The following DNAH14 variants were observed in gnomAD, a reference collection of about 807,000 sequenced individuals.
The protein encoded by DNAH14 is axonemal beta dynein heavy chain 14.
A neutral mutation model predicts 520.9 loss-of-function variants in DNAH14; 478 were observed. The observed-to-expected ratio is 0.92, with a 90% CI of 0.85 to 0.99. The LOEUF (loss-of-function observed/expected upper bound fraction) is 0.99, where lower values mean the gene tolerates loss of function less well. DNAH14 is among the 50% of genes least tolerant of loss of function. DNAH14 has a pLI of 0.00. For missense variants in DNAH14, 4,831 were observed against 5,234.5 expected (o/e 0.92, Z 2.38); for synonymous variants, 1,581 against 1,757.2 (o/e 0.90, Z 2.51).
intron 15 of DNAH14, among the ~76,000 whole-genome samples, chr1:225,046,155 A>G (rs2067941095): frequency 6.6e-6 from 1 of 151,548 alleles, no homozygotes; most frequent in East Asian, 1.9e-4. Context: ...ATATGTGTGT[A>G]TATATATTTA....
intron 60 of DNAH14, among the ~76,000 whole-genome samples, chr1:225,315,946 G>A (rs1375259801): frequency 1.3e-5 from 2 of 152,128 alleles, no homozygotes; most frequent in Admixed American, 6.6e-5. Context: ...GCAGAGCTGC[G>A]GCCACAGCTG....
chr1:225,387,743 C>T (rs1301739739), intron 81 of DNAH14, among the ~76,000 whole-genome samples: 3 of 152,018 alleles, frequency 2.0e-5, no homozygotes, highest in Non-Finnish European at 4.4e-5. Flanking sequence ...AATAGAAGGT[C>T]GCTTGTGATT....
intron 41 of DNAH14, 88 bp downstream of exon 41, chr1:225,207,308 T>C (rs2087709167): frequency 6.7e-6 from 9 of 1,349,422 alleles, no homozygotes; most frequent in Admixed American, 3.5e-5. Flanking sequence ...TAGAAAATTT[T>C]TCAAAGAGCA....
intron 33 of DNAH14, 58 bp downstream of exon 33, chr1:225,152,941 TA>T: frequency 3.3e-6 from 5 of 1,507,632 alleles, no homozygotes; most frequent in Non-Finnish European, 4.5e-6. Flanking sequence ...TAACCTTAAG[TA>T]ATACTTTTCT....
At chr1:225,265,108 A>G (rs1232067033) in intron 47 of DNAH14, 74 bp from the exon 48 acceptor site, 7 of 1,010,184 alleles carry the variant, frequency 6.9e-6, no homozygotes, top group Non-Finnish European at 9.6e-6. Flanking sequence ...AAATTTCATG[A>G]CACATTAAAA....
intron 36 of DNAH14, among the ~76,000 whole-genome samples, chr1:225,184,609 G>A (rs1006256484): frequency 1.3e-5 from 2 of 152,100 alleles, no homozygotes; most frequent in Admixed American, 6.6e-5. Flanking sequence ...AACAGAGCAA[G>A]ACTCTGTCTC....
chr1:225,102,900 C>T (rs960955073), intron 23 of DNAH14, among the ~76,000 whole-genome samples: 3 of 152,106 alleles, frequency 2.0e-5, no homozygotes, highest in Non-Finnish European at 2.9e-5. Flanking sequence ...TTAATTAGAT[C>T]CCATTTGTCA....
Position 225,272,963 on chromosome 1 carries a change from AGG to A in DNAH14, c.7849_7850del (p.Gly2617IlefsTer5). On this transcript the variant is annotated frameshift_variant, in exon 52 of 86. Transcript: ENST00000682510. LOFTEE classifies it high-confidence loss of function. ...NLRDMFKLLL[G>X]LLQADRTVVN... Reference sequence around the variant, plus strand: ...TTTTAAATCCCTAACAGCTTCTCCTAGGATTGCTGCAAGCTGACAGGACTGTT... The same window carrying A: ...TTTTAAATCCCTAACAGCTTCTCCTAATTGCTGCAAGCTGACAGGACTGTT... 2 of 1,533,348 alleles carry A rather than the reference AGG, an allele frequency of 1.3e-6. No individual in the cohort carries two copies. The highest frequency in any genetic ancestry group is 1.8e-6 in the Non-Finnish European group (2 of 1,142,140). The allele number at this position is 1,533,348 out of a possible 1,614,324, so 95.0% of individuals were successfully genotyped here.
At chr1:225,174,666 C>T (rs2083117930) in intron 36 of DNAH14, among the ~76,000 whole-genome samples, 2 of 151,810 alleles carry the variant, frequency 1.3e-5, no homozygotes, top group African/African-American at 4.8e-5. Flanking sequence ...TCTTTTATTC[C>T]TTTCTGGTGC....
intron 55 of DNAH14, among the ~76,000 whole-genome samples, chr1:225,294,367 A>G (rs759752346): frequency 3.3e-5 from 5 of 152,182 alleles, no homozygotes; most frequent in Non-Finnish European, 5.9e-5. Flanking sequence ...TTTTGTATCT[A>G]GATTCATCAG....
At chr1:224,943,116 T>C (rs1158234841) in intron 1 of DNAH14, among the ~76,000 whole-genome samples, 2 of 152,258 alleles carry the variant, frequency 1.3e-5, no homozygotes, top group Admixed American at 1.3e-4. Flanking sequence ...AGAATTCGGC[T>C]GTGAATTCAT....
intron 37 of DNAH14, among the ~76,000 whole-genome samples, chr1:225,188,930 G>C (rs777765196): frequency 6.6e-6 from 1 of 151,492 alleles, no homozygotes; most frequent in South Asian, 2.1e-4. Context: ...TTTATTCTTT[G>C]GAATCCTTGT....
At chr1:225,154,521 C>G (rs994112935) in intron 34 of DNAH14, among the ~76,000 whole-genome samples, 1 of 151,926 alleles carries the variant, frequency 6.6e-6, no homozygotes, top group South Asian at 2.1e-4. Flanking sequence ...AGTAGAAAAG[C>G]AAACCATTGG....
chr1:224,982,095 A>G (rs867585082), intron 8 of DNAH14, among the ~76,000 whole-genome samples: 5 of 152,296 alleles, frequency 3.3e-5, no homozygotes, highest in East Asian at 3.9e-4. Flanking sequence ...GGGGAGGTCA[A>G]CTAGGGATAT....
chr1:225,127,583 A>G (rs1423247203), intron 27 of DNAH14, among the ~76,000 whole-genome samples: 1 of 151,464 alleles, frequency 6.6e-6, no homozygotes, highest in Non-Finnish European at 1.5e-5. Context: ...CCATCCTTTT[A>G]TTTTGAGCCT....
At chr1:225,185,451 T>G in intron 37 of DNAH14, 26 bp downstream of exon 37, 1 of 1,506,882 alleles carries the variant, frequency 6.6e-7, no homozygotes, top group Non-Finnish European at 8.8e-7. Context: ...AATAAAATGT[T>G]TCTCTATTTG....
chr1:225,297,195 C>G (rs2094028715), intron 55 of DNAH14, among the ~76,000 whole-genome samples: 1 of 151,998 alleles, frequency 6.6e-6, no homozygotes, highest in African/African-American at 2.4e-5. Context: ...AAATCTGTAG[C>G]TCTGAGATGT....
Position 225,398,587 on chromosome 1 carries a change from G to A in DNAH14, c.13559G>A (p.Arg4520His), listed in dbSNP as rs1278810806. The change falls in exon 85 of 86, where the codon CGT becomes CAT. Residue 4520 changes from arginine to histidine, a missense_variant. Arg to His is a conservative substitution (Grantham distance 29). Coordinates refer to ENST00000682510, the MANE Select transcript of DNAH14 (RefSeq NM_001367479.1). ...GLFIEGARWN[R>H]EQKILEDSLP... is the part of the protein sequence containing the mutation. ...TTCATCGAGGGGGCAAGATGGAATC[G>A]TGAACAGAAAATACTGGAAGACTCG... The A allele has an allele frequency of 2.0e-5, 31 of 1,551,578 alleles. No homozygotes were observed. The highest frequency in any genetic ancestry group is 2.4e-5 in the Non-Finnish European group (28 of 1,146,984).
At chr1:224,951,353 A>G (rs578022297) in intron 1 of DNAH14, among the ~76,000 whole-genome samples, 5 of 151,684 alleles carry the variant, frequency 3.3e-5, no homozygotes, top group Non-Finnish European at 7.4e-5. Flanking sequence ...AAAAAAGTTT[A>G]CTGACTCTTG....
Sources: gnomAD v4.1 joint callset for allele counts (sites outside exome capture counted in the v4.1 genomes callset) on GRCh38, gnomAD v4.1.1 for gene constraint, MANE v1.5 for transcripts, NCBI Gene and HGNC (gene_info 2026-07-23, HGNC 2026-07-21) for gene names.